EXOSC1: variants seen among roughly 807,000 people sequenced by gnomAD.
EXOSC1 encodes the protein exosome complex component CSL4.
Under a neutral mutation model 31.4 loss-of-function variants are expected in EXOSC1, and 27 were observed. That is an observed-to-expected ratio of 0.86 (90% CI 0.63 to 1.18). EXOSC1 has a LOEUF of 1.18. Among genes scored for constraint, EXOSC1 ranks in the 50% most tolerant of loss-of-function variants. EXOSC1 has a pLI of 0.00. For synonymous variants in EXOSC1, 84 were observed against 89.5 expected (o/e 0.94, Z 0.35); for missense variants, 228 against 250.3 (o/e 0.91, Z 0.60).
rs1845709395 is a variant in EXOSC1 at position 97,441,370 on chromosome 10, G to C, written c.223-111C>G. ...TCAGTGCAAGCAACCCTACTAAGTAGAGAATTTAAGACAAATTAACTCCTA... is the reference window on the plus strand; with the variant it reads ...TCAGTGCAAGCAACCCTACTAAGTACAGAATTTAAGACAAATTAACTCCTA... On this transcript the variant is annotated intron_variant, in intron 3 of 7. Transcript: ENST00000370902. 6 of 734,228 alleles carry C rather than the reference G, an allele frequency of 8.2e-6. 1 individual carries two copies. The South Asian group carries it at 1.0e-4, about 12-fold the overall frequency. 45.5% of individuals were successfully genotyped at this position (734,228 alleles called of 1,614,324 possible). A position where few individuals can be genotyped will look rare whatever the true frequency, so the allele number is the denominator to read the frequency against.
chr10:97,444,376 C>A (rs1391139950), intron 2 of EXOSC1: 1 of 152,250 alleles, frequency 6.6e-6, no homozygotes. Flanking sequence ...TTCCCACTTT[C>A]AGATCTCTCT....
chr10:97,437,048 AG>A (rs1269765791), intron 7 of EXOSC1, 142 bp downstream of exon 7: 65 of 817,246 alleles, frequency 8.0e-5, no homozygotes, highest in Admixed American at 1.8e-4. Flanking sequence ...CAAGCAAAAA[AG>A]AAAAAAATAA....
Position 97,436,364 on chromosome 10 carries a change from G to C in EXOSC1, c.*81C>G, listed in dbSNP as rs773144056. The C allele has an allele frequency of 2.8e-5, 30 of 1,055,114 alleles. No homozygotes were observed. The highest frequency in any genetic ancestry group is 4.0e-5 in the Non-Finnish European group (28 of 692,550). The allele number at this position is 1,055,114 out of a possible 1,614,324, so 65.4% of individuals were successfully genotyped here. A position where few individuals can be genotyped will look rare whatever the true frequency, so the allele number is the denominator to read the frequency against. ...TGGAAGTGGCTGTTGGCCGACGCCAGGTGTTTGAATAAAGACAGCAGCATC... is the reference window on the plus strand; with the variant it reads ...TGGAAGTGGCTGTTGGCCGACGCCACGTGTTTGAATAAAGACAGCAGCATC... On this transcript the variant is annotated 3_prime_UTR_variant, in exon 8 of 8. Coordinates refer to ENST00000370902, the MANE Select transcript of EXOSC1 (RefSeq NM_016046.5).
At position 97,445,801 on chromosome 10, in the gene EXOSC1, G is replaced by C. The variant is rs200932752; in HGVS notation, c.78C>G (p.Thr26=). The part of the protein sequence containing the change: ...NLEEGSPGSG[T]YTRHGYIFSS... ...AAAAGATGTAGCCGTGGCGGGTGTA[G>C]GTGCCGCTGCCCGGGCTGCCCTCCT... Residue 26 remains threonine, a synonymous_variant, in exon 2 of 8, where the codon ACC becomes ACG. Transcript: ENST00000370902. 1.2e-6 allele frequency: 2 copies of C among 1,613,908 alleles called. No homozygotes were observed. The highest frequency in any genetic ancestry group is 1.7e-6 in the Non-Finnish European group (2 of 1,179,906).
chr10:97,437,663 G>T, intron 6 of EXOSC1, 37 bp downstream of exon 6: 1 of 1,602,826 alleles, frequency 6.2e-7, no homozygotes, highest in South Asian at 1.1e-5. Context: ...CTCTTCTTTT[G>T]ACAAAGGACC....
chr10:97,439,158 G>GA (rs1845638379), intron 4 of EXOSC1, among the ~76,000 whole-genome samples: 1 of 152,232 alleles, frequency 6.6e-6, no homozygotes, highest in African/African-American at 2.4e-5. Flanking sequence ...GCAGGGTGGA[G>GA]AAGCATCCTC....
intron 4 of EXOSC1, among the ~76,000 whole-genome samples, chr10:97,440,297 C>G (rs1845675157): frequency 6.6e-6 from 1 of 152,032 alleles, no homozygotes; most frequent in Non-Finnish European, 1.5e-5. Flanking sequence ...TTTGAGTCAT[C>G]CTGACACTGC....
At chr10:97,438,159 C>A (rs1000433704) in intron 5 of EXOSC1, among the ~76,000 whole-genome samples, 15 of 151,988 alleles carry the variant, frequency 9.9e-5, no homozygotes, top group African/African-American at 3.6e-4. Flanking sequence ...CCTTGTGATC[C>A]GCCCACCTTG....
chr10:97,441,662 G>GT (rs1281364568), intron 3 of EXOSC1, among the ~76,000 whole-genome samples: 3 of 151,142 alleles, frequency 2.0e-5, no homozygotes, highest in African/African-American at 7.3e-5. Context: ...AGCTAATTTT[G>GT]TATTTCTAGT....
chr10:97,445,907 C>T (rs367910957), intron 1 of EXOSC1, 48 bp downstream of exon 1: 12 of 1,613,770 alleles, frequency 7.4e-6, no homozygotes, highest in South Asian at 1.1e-5. Flanking sequence ...GTTTAGCCTT[C>T]TTGCTTCAGC....
At chr10:97,444,243 A>G (rs1263469852) in intron 2 of EXOSC1, 1 of 152,172 alleles carries the variant, frequency 6.6e-6, no homozygotes, top group East Asian at 1.9e-4. Context: ...TTTCTCTTTG[A>G]GCATGGTATT....
chr10:97,440,965 T>G (rs983408487), intron 4 of EXOSC1: 3 of 440,336 alleles, frequency 6.8e-6, no homozygotes, highest in African/African-American at 6.1e-5. Context: ...GCTTTACTTT[T>G]AAACCCTCTC....
chr10:97,437,173 G>T lies in EXOSC1; in HGVS notation c.481+18C>A, dbSNP rs770263658. ...TAGATCCAGGGAAAGTAAGGATGTG[G>T]AAACAAGGCCATCTCACCTGACTCA... is the stretch of plus-strand genomic sequence containing the variant. On this transcript the variant is annotated intron_variant, in intron 7 of 7. Coordinates refer to ENST00000370902, the MANE Select transcript of EXOSC1 (RefSeq NM_016046.5). The T allele has an allele frequency of 1.9e-6, 3 of 1,610,144 alleles. No individual in the cohort carries two copies. In the East Asian group the frequency reaches 6.7e-5, roughly 36 times the overall value.
At position 97,441,063 on chromosome 10, in the gene EXOSC1, G is replaced by A. The variant is rs75351262; in HGVS notation, c.311+108C>T. The A allele has an allele frequency of 1.3e-3, 1,079 of 852,280 alleles. 11 individuals are homozygous for A. In the African/African-American group the frequency reaches 0.016, roughly 12 times the overall value. 52.8% of individuals were successfully genotyped at this position (852,280 alleles called of 1,614,324 possible). On this transcript the variant is annotated intron_variant, in intron 4 of 7. Transcript: ENST00000370902. The stretch of plus-strand genomic sequence containing the variant: ...CAAAGCACAAAGAAGAAAGAAAAAC[G>A]GGCAAAAGAAAAATAGGAATTGTAA...
At position 97,437,180 on chromosome 10, in the gene EXOSC1, G is replaced by A. The variant is rs1258898273; in HGVS notation, c.481+11C>T. On this transcript the variant is annotated intron_variant, in intron 7 of 7. Transcript: ENST00000370902. ...AGGGAAAGTAAGGATGTGGAAACAA[G>A]GCCATCTCACCTGACTCACTGTGGG... is the stretch of plus-strand genomic sequence containing the variant. 6.2e-7 allele frequency: 1 copy of A among 1,612,216 alleles called. No homozygotes were observed. Among genetic ancestry groups the A allele is most frequent in the Non-Finnish European group, 8.5e-7 (1 of 1,178,784 alleles).
At chr10:97,444,268 G>C (rs1845812256) in intron 2 of EXOSC1, 1 of 152,182 alleles carries the variant, frequency 6.6e-6, no homozygotes, top group African/African-American at 2.4e-5. Flanking sequence ...GTTGGTATAA[G>C]ACAGATATTT....
At chr10:97,445,484 T>C in intron 2 of EXOSC1, 1 of 562,324 alleles carries the variant, frequency 1.8e-6, no homozygotes, top group Non-Finnish European at 3.2e-6. Context: ...GATGGGATAC[T>C]GAGTTCGCAT....
At chr10:97,436,583 A>G (rs752689326) in intron 7 of EXOSC1, 32 bp from the exon 8 acceptor site, 1 of 1,554,666 alleles carries the variant, frequency 6.4e-7, no homozygotes, top group Non-Finnish European at 8.6e-7. Flanking sequence ...TGGAGCCCAG[A>G]CCCCAAAGAT....
chr10:97,436,090 C>T lies in EXOSC1; in HGVS notation c.*355G>A. 1 of 273,240 alleles carries T rather than the reference C, an allele frequency of 3.7e-6. No individual in the cohort carries two copies. Among genetic ancestry groups the T allele is most frequent in the Non-Finnish European group, 7.0e-6 (1 of 143,300 alleles). 16.9% of individuals were successfully genotyped at this position (273,240 alleles called of 1,614,324 possible). On this transcript the variant is annotated 3_prime_UTR_variant, in exon 8 of 8. Coordinates refer to ENST00000370902, the MANE Select transcript of EXOSC1 (RefSeq NM_016046.5). The stretch of plus-strand genomic sequence containing the variant: ...TCAATAAGCAGAAGTACTGAAATGT[C>T]CTGACACCATTTAGATGTCTTTCTC...
Sources: gnomAD v4.1 joint callset for allele counts (sites outside exome capture counted in the v4.1 genomes callset) on GRCh38, gnomAD v4.1.1 for gene constraint, MANE v1.5 for transcripts, NCBI Gene and HGNC (gene_info 2026-07-23, HGNC 2026-07-21) for gene names.